RPL14: variants seen among roughly 807,000 people sequenced by gnomAD.
RPL14 encodes ribosomal protein L14.
RPL14 carries 4 observed loss-of-function variants against 25.3 expected under a neutral mutation model. The ratio of observed to expected loss-of-function variants is 0.16; its 90% confidence interval spans 0.08 to 0.36. The LOEUF is 0.36. RPL14 is among the 10% of genes least tolerant of loss of function. RPL14 has a pLI of 1.00. For synonymous variants in RPL14, 75 were observed against 89.8 expected, an observed-to-expected ratio of 0.84 and a Z score of 0.93; for missense variants, 212 against 261.9, an observed-to-expected ratio of 0.81 and a Z score of 1.31.
intron 2 of RPL14, 160 bp downstream of exon 2, chr3:40,458,151 C>T (rs1480513859): frequency 4.7e-6 from 3 of 632,840 alleles, no homozygotes; most frequent in Non-Finnish European, 8.4e-6. Context: ...TAAGCACAGC[C>T]TGAAGTTAGC....
rs550628466 is a variant in RPL14, at chr3:40,461,592, GT to G, written c.301-6del. ...GTGAGAGGGATAATTTTTATTTGTT[GT>G]TTTTTTTTTAACAGAAAGCCAAGAT... is the stretch of plus-strand genomic sequence containing the variant. On this transcript the variant is annotated splice_polypyrimidine_tract_variant and intron_variant, in intron 4 of 5. Transcript: ENST00000396203. The G allele has an allele frequency of 6.0e-4, 845 of 1,407,052 alleles. No homozygotes were observed. Among genetic ancestry groups the G allele is most frequent in the Admixed American group, 2.3e-3 (113 of 49,704 alleles). The allele number at this position is 1,407,052 out of a possible 1,614,324, so 87.2% of individuals were successfully genotyped here. A position where few individuals can be genotyped will look rare whatever the true frequency, so the allele number is the denominator to read the frequency against.
intron 3 of RPL14, among the ~76,000 whole-genome samples, chr3:40,460,108 A>G (rs1243397897): frequency 6.6e-6 from 1 of 152,126 alleles, no homozygotes; most frequent in Non-Finnish European, 1.5e-5. Context: ...TACTCTTGTA[A>G]TTCTGCCTTG....
chr3:40,458,071 G>T (rs1188687866), intron 2 of RPL14, 80 bp downstream of exon 2: 1 of 1,212,666 alleles, frequency 8.2e-7, no homozygotes, highest in African/African-American at 1.5e-5. Flanking sequence ...CTCGATGGCT[G>T]TGTAAGATGA....
chr3:40,458,028 ACATGTGCCCTG>A, intron 2 of RPL14, 37 bp downstream of exon 2: 1 of 1,511,534 alleles, frequency 6.6e-7, no homozygotes, highest in South Asian at 1.1e-5. Flanking sequence ...ATGGCAGTGG[ACATGTGCCCTG>A]CAGATGGCAA....
In RPL14 at chr3:40,457,354, C is replaced by T. The variant is rs2276868; in HGVS notation, c.-118C>T. The T allele has an allele frequency of 0.64, 1,026,653 of 1,603,786 alleles. 336,846 individuals carry two copies. Among genetic ancestry groups the T allele is most frequent in the Non-Finnish European group, 0.69 (806,238 of 1,174,774 alleles). ...GGTCTTCTTCCTTCTCGCCTAACGC[C>T]GCCAACATGGTGAGTCTTACTGTTG... is the stretch of plus-strand genomic sequence containing the variant. On this transcript the variant is annotated 5_prime_UTR_variant, in exon 1 of 6. Coordinates refer to ENST00000396203, the MANE Select transcript of RPL14 (RefSeq NM_001034996.3).
At position 40,467,442 on chromosome 3, in the gene RPL14, G is replaced by A. The variant is rs578007131; in HGVS notation, c.*5210G>A. 3 of 152,422 alleles carry A rather than the reference G, an allele frequency of 2.0e-5. No homozygotes were observed. The highest frequency in any genetic ancestry group is 2.9e-5 in the Non-Finnish European group (2 of 68,062). The allele number at this position is 152,422 out of a possible 1,614,324, so 9.4% of individuals were successfully genotyped here. The stretch of plus-strand genomic sequence containing the variant: ...TCAAGAATCAAGAGCATCAACAACC[G>A]AGGGCAGGAGAGGATGGGTTTCCCA... On this transcript the variant is annotated 3_prime_UTR_variant, in exon 6 of 6. Coordinates refer to ENST00000396203, the MANE Select transcript of RPL14 (RefSeq NM_001034996.3).
In RPL14 at chr3:40,457,358, A is replaced by G. The variant is rs143013752; in HGVS notation, c.-114A>G. The G allele has an allele frequency of 1.7e-5, 28 of 1,607,176 alleles. No individual in the cohort carries two copies. The African/African-American group carries it at 2.7e-4, about 16-fold the overall frequency. On this transcript the variant is annotated 5_prime_UTR_variant, in exon 1 of 6. Transcript: ENST00000396203. ...TTCTTCCTTCTCGCCTAACGCCGCC[A>G]ACATGGTGAGTCTTACTGTTGCGGG...
Position 40,466,641 on chromosome 3 carries a change from C to G in RPL14, c.*4409C>G, listed in dbSNP as rs1412360020. ...CATCTAAAAAGCAAGGATCCTGATA[C>G]CTGCCTCATATTGTGGCAAGGATCA... On this transcript the variant is annotated 3_prime_UTR_variant, in exon 6 of 6. Coordinates refer to ENST00000396203, the MANE Select transcript of RPL14 (RefSeq NM_001034996.3). The G allele has an allele frequency of 6.6e-6, 1 of 152,014 alleles. No individual in the cohort carries two copies. The highest frequency in any genetic ancestry group is 1.5e-5 in the Non-Finnish European group (1 of 68,018). 9.4% of individuals were successfully genotyped at this position (152,014 alleles called of 1,614,324 possible). A position where few individuals can be genotyped will look rare whatever the true frequency, so the allele number is the denominator to read the frequency against.
intron 1 of RPL14, 53 bp from the exon 2 acceptor site, chr3:40,457,837 A>G: frequency 6.8e-7 from 1 of 1,460,162 alleles, no homozygotes; most frequent in East Asian, 2.3e-5. Flanking sequence ...AAGGTGACAT[A>G]TGTAGCGAGT....
chr3:40,460,592 G>A (rs1458440600), intron 3 of RPL14, among the ~76,000 whole-genome samples: 1 of 140,898 alleles, frequency 7.1e-6, no homozygotes. Context: ...AGTCAGAGGT[G>A]GGTTTTTTGT....
At position 40,468,253 on chromosome 3, in the gene RPL14, G is replaced by T. The variant is rs1007860604; in HGVS notation, c.*6021G>T. On this transcript the variant is annotated 3_prime_UTR_variant, in exon 6 of 6. Coordinates refer to ENST00000396203, the MANE Select transcript of RPL14 (RefSeq NM_001034996.3). ...CAATCAGTGCACTTGCTGGATTGAA[G>T]AATGTGAGTGTTTGTATCACTCTTT... 6.6e-6 allele frequency: 1 copy of T among 152,218 alleles called. No individual in the cohort carries two copies. Among genetic ancestry groups the T allele is most frequent in the Non-Finnish European group, 1.5e-5 (1 of 68,036 alleles). The allele number at this position is 152,218 out of a possible 1,614,324, so 9.4% of individuals were successfully genotyped here. A position where few individuals can be genotyped will look rare whatever the true frequency, so the allele number is the denominator to read the frequency against.
Position 40,462,269 on chromosome 3 carries a change from C to A in RPL14, c.*37C>A. The A allele has an allele frequency of 1.3e-6, 2 of 1,545,942 alleles. No homozygotes were observed. The highest frequency in any genetic ancestry group is 1.3e-5 in the South Asian group (1 of 79,896). ...AAAAAGTAATAAAGGTTCTTTTTGA[C>A]CTGTTGACAAATGTATTTAAGCCTT... On this transcript the variant is annotated 3_prime_UTR_variant, in exon 6 of 6. Coordinates refer to ENST00000396203, the MANE Select transcript of RPL14 (RefSeq NM_001034996.3).
In RPL14 at chr3:40,464,505, T is replaced by C. The variant is rs769612893; in HGVS notation, c.*2273T>C. On this transcript the variant is annotated 3_prime_UTR_variant, in exon 6 of 6. Coordinates refer to ENST00000396203, the MANE Select transcript of RPL14 (RefSeq NM_001034996.3). ...GGGAAGAATGACACGAGATAGGAAA[T>C]AAACGAACTGATAGTGTAGAGGACT... The C allele has an allele frequency of 8.8e-6, 4 of 455,818 alleles. No individual in the cohort carries two copies. The highest frequency in any genetic ancestry group is 6.2e-5 in the South Asian group (4 of 64,550). 28.2% of individuals were successfully genotyped at this position (455,818 alleles called of 1,614,324 possible). A position where few individuals can be genotyped will look rare whatever the true frequency, so the allele number is the denominator to read the frequency against.
Position 40,462,178 on chromosome 3 carries a change from AAAAGCTCCAGCCCAG to A in RPL14, c.600_614del (p.Gln203_Ala207del), listed in dbSNP as rs1696951489. On this transcript the variant is annotated inframe_deletion, in exon 6 of 6. Transcript: ENST00000396203. ...CTGCTCCAAAAGCTCAGAAGGGTCA[AAAAGCTCCAGCCCAG>A]AAAGCACCTGCTCCAAAGGCATCTG... 6.2e-7 allele frequency: 1 copy of A among 1,611,718 alleles called. No individual in the cohort carries two copies. The highest frequency in any genetic ancestry group is 1.7e-5 in the Admixed American group (1 of 59,474).
At chr3:40,458,269 A>C in intron 2 of RPL14, 1 of 541,412 alleles carries the variant, frequency 1.8e-6, no homozygotes. Flanking sequence ...TTTAGAACAG[A>C]TCCAGCACGT....
At chr3:40,458,580 C>T (rs2125624481) in intron 2 of RPL14, 62 bp from the exon 3 acceptor site, 2 of 1,266,260 alleles carry the variant, frequency 1.6e-6, no homozygotes, top group Non-Finnish European at 1.2e-6. Flanking sequence ...TGTTACAGAA[C>T]CATCTGACCA....
Position 40,462,471 on chromosome 3 carries a change from G to A in RPL14, c.*239G>A. On this transcript the variant is annotated 3_prime_UTR_variant, in exon 6 of 6. Transcript: ENST00000396203. ...GGCTCACTGTAAGTTCCACCTCCCG[G>A]GTTCATGCCATTCTCCTGCCTCAGC... 1 of 373,896 alleles carries A rather than the reference G, an allele frequency of 2.7e-6. No individual in the cohort carries two copies. The highest frequency in any genetic ancestry group is 4.6e-6 in the Non-Finnish European group (1 of 217,460). 23.2% of individuals were successfully genotyped at this position (373,896 alleles called of 1,614,324 possible). A position where few individuals can be genotyped will look rare whatever the true frequency, so the allele number is the denominator to read the frequency against.
Position 40,461,677 on chromosome 3 carries a change from T to C in RPL14, c.354+16T>C. On this transcript the variant is annotated intron_variant, in intron 5 of 5. Coordinates refer to ENST00000396203, the MANE Select transcript of RPL14 (RefSeq NM_001034996.3). ...AAAGAAAATGGTAAGATTTAAGATCTGTATTTTTGTGTAACTTAGCTTTAA... is the reference window on the plus strand; with the variant it reads ...AAAGAAAATGGTAAGATTTAAGATCCGTATTTTTGTGTAACTTAGCTTTAA... The C allele has an allele frequency of 6.3e-7, 1 of 1,583,844 alleles. No individual in the cohort carries two copies. The highest frequency in any genetic ancestry group is 2.2e-5 in the East Asian group (1 of 44,740).
In RPL14 at chr3:40,457,497, T is replaced by C. The variant is rs749406366; in HGVS notation, c.3+23T>C. On this transcript the variant is annotated intron_variant, in intron 1 of 5. Transcript: ENST00000396203. ...ATGGTGAGGGTCCCCGGGCCGGCTG[T>C]GCAGCGGAATCGGGCCCTTCCCGGA... 4.6e-6 allele frequency: 7 copies of C among 1,525,300 alleles called. No homozygotes were observed. The Middle Eastern group carries it at 1.1e-3, about 250-fold the overall frequency. 94.5% of individuals were successfully genotyped at this position (1,525,300 alleles called of 1,614,324 possible).
Sources: gnomAD v4.1 joint callset for allele counts (sites outside exome capture counted in the v4.1 genomes callset) on GRCh38, gnomAD v4.1.1 for gene constraint, MANE v1.5 for transcripts, NCBI Gene and HGNC (gene_info 2026-07-23, HGNC 2026-07-21) for gene names.